The following NUTM1 variants were observed in gnomAD, a reference collection of about 807,000 sequenced individuals.
NUTM1 encodes the protein NUT midline carcinoma family member 1.
Under a neutral mutation model 88.7 loss-of-function variants are expected in NUTM1, and 39 were observed. The ratio of observed to expected loss-of-function variants is 0.44; its 90% CI spans 0.34 to 0.57. The LOEUF is 0.57. Among genes scored for constraint, NUTM1 ranks in the 20% least tolerant of loss-of-function variants. The pLI is 0.01. For missense variants in NUTM1, 1,350 were observed against 1,414.5 expected (o/e 0.95, Z 0.73); for synonymous variants, 494 against 538.0 (o/e 0.92, Z 1.13).
Position 34,348,047 on chromosome 15 carries a change from C to T in NUTM1, c.179C>T (p.Pro60Leu), listed in dbSNP as rs199651156. Residue 60 changes from proline to leucine, a missense_variant, in exon 3 of 8, where the codon CCA (proline) becomes CTA (leucine). By Grantham distance (98) the Pro-to-Leu change is moderately conservative (BLOSUM62 -3). Around this residue, in one of 5 missense-constraint regions of NUTM1, gnomAD observed 399 missense variants for 397.9 expected, o/e 1.00. Coordinates refer to ENST00000537011, the MANE Select transcript of NUTM1 (RefSeq NM_001284292.2). ...PSPSPALPFL[P>L]PTSDPPDHPP... ...CCATCCCCTGCACTTCCCTTTCTCCCACCAACTTCTGACCCACCAGACCAC... is the reference window on the plus strand; with the variant it reads ...CCATCCCCTGCACTTCCCTTTCTCCTACCAACTTCTGACCCACCAGACCAC... 5.0e-6 allele frequency: 8 copies of T among 1,614,082 alleles called. No homozygotes were observed. Among genetic ancestry groups the T allele is most frequent in the Non-Finnish European group, 6.8e-6 (8 of 1,179,988 alleles).
At chr15:34,347,658 C>G (rs1236574093) in intron 2 of NUTM1, among the ~76,000 whole-genome samples, 2 of 152,228 alleles carry the variant, frequency 1.3e-5, no homozygotes, top group East Asian at 3.9e-4. Flanking sequence ...TCGAGACCAA[C>G]CTGGCTAACA....
Position 34,354,479 on chromosome 15 carries a change from G to A in NUTM1, c.1109G>A (p.Arg370Gln), listed in dbSNP as rs749306419. Residue 370 changes from arginine (R) to glutamine (Q), a missense_variant, in exon 6 of 8, where the codon CGG becomes CAG. Coordinates refer to ENST00000537011, the MANE Select transcript of NUTM1 (RefSeq NM_001284292.2). ...CCGAAGAAGGCAGCCTCCAAGACAC[G>A]GGCCCCCCGCCGGCGTCAGCGTAAA... ...YIPKKAASKT[R>Q]APRRRQRKAQ... The A allele has an allele frequency of 5.0e-6, 8 of 1,614,076 alleles. No individual in the cohort carries two copies. Among genetic ancestry groups the A allele is most frequent in the South Asian group, 1.1e-5 (1 of 91,066 alleles).
rs369226226 is a variant in NUTM1 at position 34,354,996 on chromosome 15, C to T, written c.1363-25C>T. The T allele has an allele frequency of 3.2e-5, 49 of 1,542,144 alleles. No individual in the cohort carries two copies. The African/African-American group carries it at 6.3e-4, about 20-fold the overall frequency. ...CACAGGTTACCTGCTTACAGACTTA[C>T]ATCGCTTTTCCTTCTGTTATCCAGG... On this transcript the variant is annotated intron_variant, in intron 6 of 7. Transcript: ENST00000537011.
chr15:34,343,539 C>G lies in NUTM1; in HGVS notation c.-158C>G, dbSNP rs2140148056. ...CTCTTTTACATCCAGTTCCCCTGCTCCATTTCAAAGCGTTGGCGGTAAAGA... is the reference window on the plus strand; with the variant it reads ...CTCTTTTACATCCAGTTCCCCTGCTGCATTTCAAAGCGTTGGCGGTAAAGA... On this transcript the variant is annotated 5_prime_UTR_variant, in exon 1 of 8. Coordinates refer to ENST00000537011, the MANE Select transcript of NUTM1 (RefSeq NM_001284292.2). The G allele has an allele frequency of 6.6e-7, 1 of 1,511,038 alleles. No individual in the cohort carries two copies. The highest frequency in any genetic ancestry group is 2.5e-5 in the East Asian group (1 of 40,570). The allele number at this position is 1,511,038 out of a possible 1,614,324, so 93.6% of individuals were successfully genotyped here. A position where few individuals can be genotyped will look rare whatever the true frequency, so the allele number is the denominator to read the frequency against.
chr15:34,355,855 A>C lies in NUTM1; in HGVS notation c.1847A>C (p.Lys616Thr), dbSNP rs774677346. 6.2e-7 allele frequency: 1 copy of C among 1,613,960 alleles called. No individual in the cohort carries two copies. Among genetic ancestry groups the C allele is most frequent in the Admixed American group, 1.7e-5 (1 of 60,016 alleles). The change falls in exon 8 of 8, where the codon AAG becomes ACG. Residue 616 changes from lysine to threonine, a missense_variant. Lys to Thr is a moderately conservative substitution (Grantham distance 78). Coordinates refer to ENST00000537011, the MANE Select transcript of NUTM1 (RefSeq NM_001284292.2). The surrounding 1 kb of genome is among the most constrained non-coding windows in gnomAD (Gnocchi z 4.3). ...PLGVERRGSG[K>T]VINQVSLHQD... ...GGTGTGGAGAGGAGAGGGTCTGGGA[A>C]GGTTATAAACCAGGTATCTCTACAT...
At chr15:34,349,036 C>G (rs1890661070) in intron 3 of NUTM1, among the ~76,000 whole-genome samples, 1 of 152,158 alleles carries the variant, frequency 6.6e-6, no homozygotes, top group Non-Finnish European at 1.5e-5. Flanking sequence ...TATTTTACTA[C>G]CTTTTGACAT....
Position 34,355,624 on chromosome 15 carries a change from C to T in NUTM1, c.1616C>T (p.Ser539Leu). 1 of 1,612,652 alleles carries T rather than the reference C, an allele frequency of 6.2e-7. No individual in the cohort carries two copies. The highest frequency in any genetic ancestry group is 1.1e-5 in the South Asian group (1 of 90,966). ...GATGGGGATGGGCGGCTTCGGCCCT[C>T]ACCTGGGCTTCAGGGGGCTGGGGGC... is the stretch of plus-strand genomic sequence containing the variant. ...DEDGDGRLRPSPGLQGAGGAA... is the reference protein window; with the variant it reads ...DEDGDGRLRPLPGLQGAGGAA... The change falls in exon 8 of 8, where the codon TCA becomes TTA. Residue 539 changes from serine (S) to leucine (L), a missense_variant. Coordinates refer to ENST00000537011, the MANE Select transcript of NUTM1 (RefSeq NM_001284292.2). This position sits in a 1 kb window ranked among gnomAD's most constrained non-coding sequence, Gnocchi z 4.3.
intron 2 of NUTM1, among the ~76,000 whole-genome samples, chr15:34,346,317 GT>G (rs1890584953): frequency 1.3e-5 from 2 of 151,988 alleles, no homozygotes; most frequent in South Asian, 4.1e-4. Context: ...TTCCGCATGT[GT>G]TTTTGTGGTG....
chr15:34,346,910 A>G (rs1470177185), intron 2 of NUTM1, among the ~76,000 whole-genome samples: 2 of 149,010 alleles, frequency 1.3e-5, no homozygotes, highest in East Asian at 2.0e-4. Flanking sequence ...AAAAAAAAGC[A>G]GCACTTAGAG....
rs571494372 is a variant in NUTM1 at position 34,355,819 on chromosome 15, C to G, written c.1811C>G (p.Pro604Arg). Reference protein sequence around the residue: ...QPELAAPQGTPGPLGVERRGS... With the variant: ...QPELAAPQGTRGPLGVERRGS... The stretch of plus-strand genomic sequence containing the variant: ...GAACTTGCAGCTCCACAGGGAACTC[C>G]GGGACCCTTGGGTGTGGAGAGGAGA... Residue 604 changes from proline to arginine, a missense_variant, in exon 8 of 8, where the codon CCG (proline) becomes CGG (arginine). Physicochemically the swap from Pro to Arg is moderately radical, Grantham distance 103. This residue lies in a region of NUTM1 where 730 missense variants were observed against 728.8 expected (regional missense o/e 1.00). Transcript: ENST00000537011. This position sits in a 1 kb window ranked among gnomAD's most constrained non-coding sequence, Gnocchi z 4.3. The G allele has an allele frequency of 2.5e-6, 4 of 1,614,166 alleles. No homozygotes were observed. The South Asian group carries it at 3.3e-5, about 13-fold the overall frequency.
Position 34,355,150 on chromosome 15 carries a change from T to A in NUTM1, c.1479+13T>A. On this transcript the variant is annotated intron_variant, in intron 7 of 7. Coordinates refer to ENST00000537011, the MANE Select transcript of NUTM1 (RefSeq NM_001284292.2). The surrounding 1 kb of genome is among the most constrained non-coding windows in gnomAD (Gnocchi z 4.3). ...CACTCTTGCCCAGGTAAAACTGGGGTATAGGAAATATGAGAACGAGAAGCT... is the reference window on the plus strand; with the variant it reads ...CACTCTTGCCCAGGTAAAACTGGGGAATAGGAAATATGAGAACGAGAAGCT... 1 of 1,488,068 alleles carries A rather than the reference T, an allele frequency of 6.7e-7. No individual in the cohort carries two copies. The highest frequency in any genetic ancestry group is 9.4e-7 in the Non-Finnish European group (1 of 1,065,504). The allele number at this position is 1,488,068 out of a possible 1,614,324, so 92.2% of individuals were successfully genotyped here. A position where few individuals can be genotyped will look rare whatever the true frequency, so the allele number is the denominator to read the frequency against.
chr15:34,345,880 G>C, intron 1 of NUTM1, 62 bp from the exon 2 acceptor site: 1 of 1,593,430 alleles, frequency 6.3e-7, no homozygotes, highest in South Asian at 1.1e-5. Context: ...CCGTATTCTA[G>C]TTCTGTGTGA....
chr15:34,352,957 C>T (rs1399123779), intron 4 of NUTM1, among the ~76,000 whole-genome samples: 5 of 133,706 alleles, frequency 3.7e-5, no homozygotes, highest in Non-Finnish European at 7.7e-5. Context: ...ACGATCTCGG[C>T]TCACTGCAAC....
In NUTM1 at chr15:34,356,075, A is replaced by T; in HGVS notation, c.2067A>T (p.Gly689=). The T allele has an allele frequency of 6.2e-7, 1 of 1,613,986 alleles. No homozygotes were observed. The highest frequency in any genetic ancestry group is 8.5e-7 in the Non-Finnish European group (1 of 1,179,888). The change falls in exon 8 of 8, where the codon GGA becomes GGT. Residue 689 remains glycine (G), a synonymous_variant. Transcript: ENST00000537011. Reference sequence around the variant, plus strand: ...AGCAAGTCCTGGGATTGCAGAAAGGACAACAAACAGGGGGTCGTGGAGTGC... The same window carrying T: ...AGCAAGTCCTGGGATTGCAGAAAGGTCAACAAACAGGGGGTCGTGGAGTGC... ...LEKQVLGLQK[G]QQTGGRGVLP...
At chr15:34,354,775 G>A (rs763652685) in intron 6 of NUTM1, 43 bp downstream of exon 6, 3 of 1,598,966 alleles carry the variant, frequency 1.9e-6, no homozygotes, top group Admixed American at 3.4e-5. Flanking sequence ...GATCCTTGGG[G>A]TGGGTACTCC....
At position 34,348,117 on chromosome 15, in the gene NUTM1, CT is replaced by C; in HGVS notation, c.250del (p.Ser84LeufsTer6). On this transcript the variant is annotated frameshift_variant, in exon 3 of 8. Coordinates refer to ENST00000537011, the MANE Select transcript of NUTM1 (RefSeq NM_001284292.2). LOFTEE classifies it high-confidence loss of function. Reference sequence around the variant, plus strand: ...CACAGCCCATCATGCCTTCAGTATTCTCTCCAGACAACCCTCTGATGCTCTC... The same window carrying C: ...CACAGCCCATCATGCCTTCAGTATTCCTCCAGACAACCCTCTGATGCTCTC... ...PPQPIMPSVF[S>X]PDNPLMLSAF... 1.2e-6 allele frequency: 2 copies of C among 1,614,190 alleles called. No individual in the cohort carries two copies. The highest frequency in any genetic ancestry group is 1.7e-6 in the Non-Finnish European group (2 of 1,180,038).
intron 4 of NUTM1, among the ~76,000 whole-genome samples, chr15:34,351,472 CCA>C (rs1440689511): frequency 6.6e-6 from 1 of 151,796 alleles, no homozygotes; most frequent in Non-Finnish European, 1.5e-5. Flanking sequence ...GCTTCTTCTT[CCA>C]CCACCTTGAC....
At position 34,356,132 on chromosome 15, in the gene NUTM1, C is replaced by A. The variant is rs756012067; in HGVS notation, c.2124C>A (p.Pro708=). ...AAGGGAAGGAGCCTTTAGCAGTGCC[C>A]TGGGAAGGCTCTTCAGGAGCCATGT... ...LPQGKEPLAV[P]WEGSSGAMWG... is the part of the protein sequence containing the mutation. The change falls in exon 8 of 8, where the codon CCC becomes CCA. Residue 708 remains proline, a synonymous_variant. Coordinates refer to ENST00000537011, the MANE Select transcript of NUTM1 (RefSeq NM_001284292.2). The A allele has an allele frequency of 6.2e-7, 1 of 1,612,974 alleles. No homozygotes were observed. The highest frequency in any genetic ancestry group is 1.1e-5 in the South Asian group (1 of 91,038).
Position 34,355,972 on chromosome 15 carries a change from G to T in NUTM1, c.1964G>T (p.Gly655Val), listed in dbSNP as rs1289197559. ...SEALPLCWQGGFQPESTPSLD... is the reference protein window; with the variant it reads ...SEALPLCWQGVFQPESTPSLD... ...GCTCTGCCCCTTTGTTGGCAGGGAG[G>T]CTTCCAGCCTGAGAGCACTCCCAGT... The change falls in exon 8 of 8, where the codon GGC becomes GTC. Residue 655 changes from glycine to valine, a missense_variant. Gly to Val is a moderately radical substitution (Grantham distance 109, BLOSUM62 -3). Coordinates refer to ENST00000537011, the MANE Select transcript of NUTM1 (RefSeq NM_001284292.2). The surrounding 1 kb of genome is among the most constrained non-coding windows in gnomAD (Gnocchi z 4.3). The T allele has an allele frequency of 1.9e-6, 3 of 1,614,066 alleles. No homozygotes were observed. The African/African-American group carries it at 4.0e-5, about 22-fold the overall frequency.
Sources: allele counts gnomAD v4.1 joint callset (sites outside exome capture counted in the v4.1 genomes callset), GRCh38; gene constraint gnomAD v4.1.1; regional missense constraint gnomAD v4.1.1; non-coding constraint Gnocchi (gnomAD v3.1); transcripts MANE v1.5; gene names NCBI Gene and HGNC (gene_info 2026-07-23, HGNC 2026-07-21).